The following NRG1 variants were observed in gnomAD, a reference collection of about 807,000 sequenced individuals.
NRG1 encodes the protein pro-neuregulin-1, membrane-bound isoform.
In NRG1, 18 loss-of-function variants were observed where a neutral mutation model predicts 63.8. That is an observed-to-expected ratio of 0.28 (90% CI 0.19 to 0.42). The LOEUF is 0.42. Among genes scored for constraint, NRG1 ranks in the 10% least tolerant of loss-of-function variants. The pLI is 1.00. For missense variants in NRG1, 762 were observed against 814.7 expected, an observed-to-expected ratio of 0.94 and a Z score of 0.79; for synonymous variants, 302 against 301.3, an observed-to-expected ratio of 1.00 and a Z score of -0.02.
chr8:31,829,838 G>A (rs1372327481), intron 1 of NRG1, among the ~76,000 whole-genome samples: 2 of 152,330 alleles, frequency 1.3e-5, no homozygotes, highest in Non-Finnish European at 2.9e-5. Flanking sequence ...CTGGCCACGA[G>A]AGCCAGCTGA....
intron 5 of NRG1, chr8:32,721,792 C>CCTTGGCCACCTAG: frequency 7.9e-7 from 1 of 1,259,948 alleles, no homozygotes; most frequent in Non-Finnish European, 1.0e-6. Flanking sequence ...CTCCACCTAT[C>CCTTGGCCACCTAG]ATTCCCTTGG....
At chr8:32,429,372 A>G (rs1817841020) in intron 1 of NRG1, among the ~76,000 whole-genome samples, 2 of 152,154 alleles carry the variant, frequency 1.3e-5, no homozygotes, top group Admixed American at 6.6e-5. Flanking sequence ...ATCAAACATA[A>G]TCACAGTCTC....
chr8:32,691,739 T>C (rs1381731495), intron 5 of NRG1, among the ~76,000 whole-genome samples: 1 of 152,218 alleles, frequency 6.6e-6, no homozygotes, highest in Admixed American at 6.5e-5. Flanking sequence ...AAAGAAGTTA[T>C]GGGAATTGTT....
At chr8:32,014,143 C>T (rs2130019847) in intron 1 of NRG1, among the ~76,000 whole-genome samples, 1 of 152,176 alleles carries the variant, frequency 6.6e-6, no homozygotes, top group East Asian at 1.9e-4. Context: ...TTACTTTGGG[C>T]AGTATGGCCA....
chr8:32,317,745 G>T (rs1800930335), intron 1 of NRG1, among the ~76,000 whole-genome samples: 1 of 152,260 alleles, frequency 6.6e-6, no homozygotes, highest in South Asian at 2.1e-4. Context: ...CCCTAATTGT[G>T]CTCTTTTAAA....
At position 32,069,863 on chromosome 8, in the gene NRG1, G is replaced by A. The variant is rs910657739; in HGVS notation, c.37+430432G>A. Among the ~76,000 whole-genome samples, 6 of 152,176 alleles carry A rather than the reference G, an allele frequency of 3.9e-5. No individual in the cohort carries two copies. The East Asian group carries it at 1.2e-3, about 29-fold the overall frequency. ...TTTTGAGAACCTGAGTCCTAGTTGA[G>A]CCTTCTGTGATGCCTTCCAAGTCCT... On this transcript the variant is annotated intron_variant, in intron 1 of 10. Transcript: ENST00000519301.
chr8:32,080,600 A>G (rs1041190153), intron 1 of NRG1, among the ~76,000 whole-genome samples: 2 of 152,178 alleles, frequency 1.3e-5, no homozygotes, highest in Non-Finnish European at 2.9e-5. Flanking sequence ...AGAGCTTCCA[A>G]CTTAACCATC....
Position 31,640,674 on chromosome 8 carries a change from G to A in NRG1, c.37+1243G>A, listed in dbSNP as rs1434356249. The A allele has an allele frequency of 2.5e-6, 4 of 1,607,568 alleles. No homozygotes were observed. Among genetic ancestry groups the A allele is most frequent in the Non-Finnish European group, 1.7e-6 (2 of 1,177,924 alleles). ...CCTTCCGAGCCTCTTTCCCCCCTCT[G>A]GAGACGGGCCGGAACCTCAAGAAGG... On this transcript the variant is annotated intron_variant, in intron 1 of 10. Coordinates refer to the NRG1 transcript ENST00000519301. The surrounding 1 kb of genome is among the most constrained non-coding windows in gnomAD (Gnocchi z 6.3).
intron 1 of NRG1, among the ~76,000 whole-genome samples, chr8:31,865,997 G>A (rs1828923111): frequency 6.6e-6 from 1 of 152,174 alleles, no homozygotes; most frequent in African/African-American, 2.4e-5. Flanking sequence ...GGCTCATTAG[G>A]AGGGACAGAT....
At chr8:31,657,643 C>G (rs975803496) in intron 1 of NRG1, among the ~76,000 whole-genome samples, 3 of 152,230 alleles carry the variant, frequency 2.0e-5, no homozygotes, top group Non-Finnish European at 2.9e-5. Context: ...ACACCCTGCA[C>G]AAGATTAGAA....
intron 1 of NRG1, among the ~76,000 whole-genome samples, chr8:32,497,426 G>A (rs960002527): frequency 6.5e-5 from 9 of 139,136 alleles, no homozygotes; most frequent in African/African-American, 8.2e-5. Context: ...CAGCCTGGGC[G>A]ACAGAGAGAG....
At chr8:32,557,164 C>A (rs899064764) in intron 1 of NRG1, among the ~76,000 whole-genome samples, 3 of 152,068 alleles carry the variant, frequency 2.0e-5, no homozygotes, top group African/African-American at 7.2e-5. Flanking sequence ...TGCCACCACA[C>A]CCAGCTAATT....
intron 1 of NRG1, among the ~76,000 whole-genome samples, chr8:31,812,209 G>A (rs1285058399): frequency 6.6e-6 from 1 of 152,182 alleles, no homozygotes; most frequent in Admixed American, 6.5e-5. Flanking sequence ...TAGAAAAACA[G>A]GAATGAATAC....
At chr8:32,136,548 G>C (rs1286701368) in intron 1 of NRG1, 1 of 152,208 alleles carries the variant, frequency 6.6e-6, no homozygotes, top group East Asian at 1.9e-4. Context: ...TGTTGTTGTG[G>C]TGGCATATCT....
chr8:32,065,392 C>T (rs141858857), intron 1 of NRG1, among the ~76,000 whole-genome samples: 3,233 of 152,144 alleles, frequency 0.021, 86 homozygotes, highest in African/African-American at 0.06. Flanking sequence ...TGTGATGTTC[C>T]GCTTCCCGTG....
intron 5 of NRG1, among the ~76,000 whole-genome samples, chr8:32,620,850 AAG>A: frequency 6.6e-6 from 1 of 151,934 alleles, no homozygotes; most frequent in East Asian, 1.9e-4. Context: ...CAAAAAAAGA[AAG>A]AAAGAAAAAG....
chr8:31,642,158 C>T (rs1179135124), intron 1 of NRG1, among the ~76,000 whole-genome samples: 2 of 152,116 alleles, frequency 1.3e-5, no homozygotes, highest in African/African-American at 4.8e-5. Context: ...ATGGGAAATG[C>T]TCTGCTGGGA....
chr8:32,092,454 C>T (rs528294929), intron 1 of NRG1, among the ~76,000 whole-genome samples: 8 of 123,264 alleles, frequency 6.5e-5, no homozygotes, highest in Non-Finnish European at 1.4e-4. Flanking sequence ...AGAGCAAGAC[C>T]CTGTCTCAAA....
chr8:32,058,586 T>C (rs1192090935), intron 1 of NRG1, among the ~76,000 whole-genome samples: 5 of 152,054 alleles, frequency 3.3e-5, no homozygotes, highest in Non-Finnish European at 7.4e-5. Context: ...TTTTTATTTT[T>C]TTACTGGCTA....
Sources: allele counts gnomAD v4.1 joint callset (sites outside exome capture counted in the v4.1 genomes callset), GRCh38; gene constraint gnomAD v4.1.1; non-coding constraint Gnocchi (gnomAD v3.1); transcripts MANE v1.5; gene names NCBI Gene and HGNC (gene_info 2026-07-23, HGNC 2026-07-21).